The following FYN variants were observed in gnomAD, a reference collection of about 807,000 sequenced individuals.
FYN encodes the protein tyrosine-protein kinase Fyn.
FYN carries 10 observed loss-of-function variants against 70.2 expected under a neutral mutation model. The ratio of observed to expected loss-of-function variants is 0.14; its 90% confidence interval spans 0.09 to 0.24. The LOEUF is 0.24. Ranked by LOEUF, FYN falls within the 10% of genes least tolerant of loss-of-function variation. The probability of loss-of-function intolerance (pLI) is 1.00; values close to 1 mark genes in which losing one functional copy is unlikely to be tolerated. For synonymous variants in FYN, 236 were observed against 248.6 expected, an observed-to-expected ratio of 0.95 and a Z score of 0.48; for missense variants, 319 against 673.1, an observed-to-expected ratio of 0.47 and a Z score of 5.82.
chr6:111,775,324 A>C (rs1289725793), intron 3 of FYN, among the ~76,000 whole-genome samples: 2 of 152,232 alleles, frequency 1.3e-5, no homozygotes, highest in African/African-American at 2.4e-5. Flanking sequence ...GCAGAGGAGC[A>C]GGATGGCCTC....
At chr6:111,731,142 C>G (rs542498864) in intron 3 of FYN, among the ~76,000 whole-genome samples, 1 of 152,182 alleles carries the variant, frequency 6.6e-6, no homozygotes, top group Admixed American at 6.5e-5. Flanking sequence ...TCTCCAAGGC[C>G]GAACAAAACC....
intron 3 of FYN, chr6:111,740,979 ACCTGTGGTC>A (rs1801934536): frequency 6.6e-6 from 1 of 151,918 alleles, no homozygotes; most frequent in Non-Finnish European, 1.5e-5. Context: ...GGTGGTGCTC[ACCTGTGGTC>A]CCAGCTACTT....
chr6:111,769,531 A>C (rs1803359697), intron 3 of FYN, among the ~76,000 whole-genome samples: 1 of 152,214 alleles, frequency 6.6e-6, no homozygotes, highest in African/African-American at 2.4e-5. Context: ...TAATACTCAA[A>C]ATGGGACTGA....
chr6:111,730,228 A>G (rs753295992), intron 3 of FYN, among the ~76,000 whole-genome samples: 1 of 152,198 alleles, frequency 6.6e-6, no homozygotes, highest in Non-Finnish European at 1.5e-5. Flanking sequence ...GAACAGCCAT[A>G]GATATCTAAT....
chr6:111,686,946 T>C (rs891329297), intron 12 of FYN, among the ~76,000 whole-genome samples: 1 of 152,262 alleles, frequency 6.6e-6, no homozygotes, highest in African/African-American at 2.4e-5. Flanking sequence ...CAGTTCTGGA[T>C]TGTGAAATTC....
chr6:111,824,306 G>A (rs75815903), intron 2 of FYN, among the ~76,000 whole-genome samples: 81 of 152,248 alleles, frequency 5.3e-4, no homozygotes, highest in African/African-American at 1.8e-3. Context: ...AAGGGGCAAC[G>A]TGGATGATGG....
At chr6:111,849,471 G>A (rs1303644936) in intron 1 of FYN, among the ~76,000 whole-genome samples, 1 of 152,198 alleles carries the variant, frequency 6.6e-6, no homozygotes, top group Non-Finnish European at 1.5e-5. Flanking sequence ...GGGCAGTGCA[G>A]GCAAAGCAAC....
intron 3 of FYN, among the ~76,000 whole-genome samples, chr6:111,742,621 CAT>C (rs1252441284): frequency 6.6e-6 from 1 of 152,214 alleles, no homozygotes; most frequent in Non-Finnish European, 1.5e-5. Flanking sequence ...AGAATTTGCA[CAT>C]GTTCTGTGCA....
intron 8 of FYN, among the ~76,000 whole-genome samples, chr6:111,700,743 AC>A (rs1799795571): frequency 6.6e-6 from 1 of 152,184 alleles, no homozygotes; most frequent in Non-Finnish European, 1.5e-5. Flanking sequence ...GTTCTTCCCC[AC>A]CTTTAGTATC....
At chr6:111,816,445 T>C (rs1315221766) in intron 2 of FYN, among the ~76,000 whole-genome samples, 1 of 152,170 alleles carries the variant, frequency 6.6e-6, no homozygotes, top group African/African-American at 2.4e-5. Flanking sequence ...TCTCACTGAT[T>C]CTAACCTGAC....
At chr6:111,713,061 AAT>A (rs1800461511) in intron 5 of FYN, among the ~76,000 whole-genome samples, 4 of 152,086 alleles carry the variant, frequency 2.6e-5, no homozygotes. Flanking sequence ...TGACAATCCT[AAT>A]ATATGTTTGA....
rs1387968240 is a variant in FYN at position 111,700,030 on chromosome 6, T to C, written c.862+74A>G. 6.5e-6 allele frequency: 9 copies of C among 1,388,454 alleles called. No individual in the cohort carries two copies. In the Admixed American group the frequency reaches 1.3e-4, roughly 20 times the overall value. 86.0% of individuals were successfully genotyped at this position (1,388,454 alleles called of 1,614,324 possible). A position where few individuals can be genotyped will look rare whatever the true frequency, so the allele number is the denominator to read the frequency against. ...CTTCCCGGTCACGCAGTCTTTATTT[T>C]CACCTTCCATCTTTGGTGTTTGGGA... On this transcript the variant is annotated intron_variant, in intron 9 of 13. Transcript: ENST00000354650.
chr6:111,823,551 T>C (rs1215345555), intron 2 of FYN, among the ~76,000 whole-genome samples: 3 of 152,210 alleles, frequency 2.0e-5, no homozygotes, highest in South Asian at 2.1e-4. Context: ...GCTTTTCACA[T>C]GTTGCTGAGG....
intron 3 of FYN, among the ~76,000 whole-genome samples, chr6:111,779,787 C>T (rs535315640): frequency 1.3e-5 from 2 of 152,312 alleles, no homozygotes; most frequent in African/African-American, 4.8e-5. Context: ...AGCCTGACTT[C>T]AATGGGAAAT....
At chr6:111,872,034 G>A (rs1212246786) in intron 1 of FYN, among the ~76,000 whole-genome samples, 1 of 152,170 alleles carries the variant, frequency 6.6e-6, no homozygotes, top group Non-Finnish European at 1.5e-5. Context: ...TACTTTGTGT[G>A]TCTCCTCTCT....
intron 1 of FYN, among the ~76,000 whole-genome samples, chr6:111,858,062 T>C (rs1014827030): frequency 3.3e-5 from 5 of 152,196 alleles, no homozygotes; most frequent in Admixed American, 6.5e-5. Flanking sequence ...ATTCTGACCC[T>C]AGATATCTCA....
At chr6:111,708,228 G>T (rs567851875) in intron 5 of FYN, 2 of 494,070 alleles carry the variant, frequency 4.0e-6, no homozygotes, top group African/African-American at 3.8e-5. Context: ...ACCCACAGTT[G>T]TCTCTTGCCT....
chr6:111,700,004 T>C (rs1583326575), intron 9 of FYN, 100 bp downstream of exon 9: 1 of 1,073,702 alleles, frequency 9.3e-7, no homozygotes, highest in Non-Finnish European at 1.3e-6. Flanking sequence ...ATTCAAACTT[T>C]CTTCCCGGTC....
At chr6:111,760,766 CA>C (rs1390432596) in intron 3 of FYN, among the ~76,000 whole-genome samples, 1 of 152,212 alleles carries the variant, frequency 6.6e-6, no homozygotes, top group Non-Finnish European at 1.5e-5. Flanking sequence ...TCGCCTTTGG[CA>C]AAACTTCTTA....
Sources: gnomAD v4.1 joint callset for allele counts (sites outside exome capture counted in the v4.1 genomes callset) on GRCh38, gnomAD v4.1.1 for gene constraint, MANE v1.5 for transcripts, NCBI Gene and HGNC (gene_info 2026-07-23, HGNC 2026-07-21) for gene names.